Variants in VWF observed in about 807,000 individuals in gnomAD.
VWF encodes the protein Factor VIII related antigen.
Under a neutral mutation model 308.6 loss-of-function variants are expected in VWF, and 176 were observed. That is an observed-to-expected ratio of 0.57 (90% confidence interval 0.50 to 0.65). The LOEUF (loss-of-function observed/expected upper bound fraction) is 0.65. Among genes scored for constraint, VWF ranks in the 30% least tolerant of loss-of-function variants. The pLI, the probability that VWF is intolerant of heterozygous loss-of-function variation, is 0.00. For missense variants in VWF, 3,146 were observed against 3,648.2 expected, an observed-to-expected ratio of 0.86 and a Z score of 3.55; for synonymous variants, 1,385 against 1,443.4, an observed-to-expected ratio of 0.96 and a Z score of 0.92.
intron 5 of VWF, among the ~76,000 whole-genome samples, chr12:6,097,735 A>G (rs941125688): frequency 6.6e-6 from 1 of 152,234 alleles, no homozygotes; most frequent in African/African-American, 2.4e-5. Context: ...ATGTGTTGGT[A>G]GCCACAGGAA....
chr12:5,992,973 C>T (rs1943762515), intron 37 of VWF, among the ~76,000 whole-genome samples: 1 of 152,162 alleles, frequency 6.6e-6, no homozygotes, highest in South Asian at 2.1e-4. Context: ...CCCTAAGGAA[C>T]CTACAGGTTA....
At chr12:6,096,450 C>T (rs536162945) in intron 5 of VWF, among the ~76,000 whole-genome samples, 42 of 152,338 alleles carry the variant, frequency 2.8e-4, no homozygotes, top group African/African-American at 9.1e-4. Context: ...CATCCCTCTA[C>T]CAAAACACTC....
chr12:6,092,620 T>TGAGAGTGAGAGAGAGAGAGAGA (rs1250915385), intron 6 of VWF, among the ~76,000 whole-genome samples: 64 of 89,520 alleles, frequency 7.1e-4, no homozygotes, highest in Middle Eastern at 4.8e-3. Flanking sequence ...TGAGTGAGAG[T>TGAGAGTGAGAGAGAGAGAGAGA]GTGTGTGTGT....
chr12:5,995,246 T>C (rs556256527), intron 35 of VWF, among the ~76,000 whole-genome samples: 1 of 152,328 alleles, frequency 6.6e-6, no homozygotes, highest in South Asian at 2.1e-4. Context: ...AGCCCCACCA[T>C]ATATCATATC....
chr12:6,029,432 G>T lies in VWF; in HGVS notation c.2877C>A (p.Gly959=). 1 of 1,614,134 alleles carries T rather than the reference G, an allele frequency of 6.2e-7. No homozygotes were observed. Among genetic ancestry groups the T allele is most frequent in the African/African-American group, 1.3e-5 (1 of 75,026 alleles). ...DETHFEVVES[G]RYIILLLGKA... is the part of the protein sequence containing the mutation. ...TGCCCAGCAGCAGAATGATGTACCGGCCAGACTCCACCACCTCAAAGTGAG... is the reference window on the plus strand; with the variant it reads ...TGCCCAGCAGCAGAATGATGTACCGTCCAGACTCCACCACCTCAAAGTGAG... The change falls in exon 22 of 52, where the codon GGC becomes GGA. Residue 959 remains glycine, a synonymous_variant. Transcript: ENST00000261405.
At position 6,070,215 on chromosome 12, in the gene VWF, T is replaced by C. The variant is rs897723872; in HGVS notation, c.1156+1082A>G. 1.4e-4 allele frequency among the ~76,000 whole-genome samples: 21 copies of C among 152,328 alleles called. 1 individual carries two copies. In the Middle Eastern group the frequency reaches 0.02, roughly 148 times the overall value. ...AATCTTTTCTCCTTCGTGCCTTCTTTAAGGGTTACACAAAAGATAACCTGG... is the reference window on the plus strand; with the variant it reads ...AATCTTTTCTCCTTCGTGCCTTCTTCAAGGGTTACACAAAAGATAACCTGG... On this transcript the variant is annotated intron_variant, in intron 10 of 51. Coordinates refer to ENST00000261405, the MANE Select transcript of VWF (RefSeq NM_000552.5).
At chr12:6,023,487 C>T in intron 25 of VWF, 144 bp downstream of exon 25, 1 of 1,205,032 alleles carries the variant, frequency 8.3e-7, no homozygotes, top group South Asian at 1.4e-5. Flanking sequence ...TCTTAACCCT[C>T]CTTAGCCCTT....
chr12:6,019,248 G>A lies in VWF; in HGVS notation c.4170C>T (p.Pro1390=). The A allele has an allele frequency of 6.2e-6, 10 of 1,613,890 alleles. No individual in the cohort carries two copies. Among genetic ancestry groups the A allele is most frequent in the Non-Finnish European group, 8.5e-6 (10 of 1,179,844 alleles). ...ITLLLMASQE[P]QRMSRNFVRY... is the part of the protein sequence containing the mutation. ...GGACAAAGTTCCGGGACATCCGTTG[G>A]GGCTCCTGGCTGGCCATCAGGAGCA... Residue 1390 remains proline, a synonymous_variant, in exon 28 of 52, where the codon CCC becomes CCT. Transcript: ENST00000261405. The surrounding 1 kb of genome is among the most constrained non-coding windows in gnomAD (Gnocchi z 5.8).
chr12:5,955,421 T>C (rs920342691), intron 47 of VWF, among the ~76,000 whole-genome samples: 31 of 147,344 alleles, frequency 2.1e-4, no homozygotes, highest in Non-Finnish European at 3.0e-4. Flanking sequence ...CCTGTGTCCA[T>C]GTGTTCTCAT....
chr12:5,971,362 T>A (rs1439035853), intron 44 of VWF, among the ~76,000 whole-genome samples: 1 of 152,060 alleles, frequency 6.6e-6, no homozygotes, highest in East Asian at 1.9e-4. Context: ...AGAGCATGAA[T>A]CCCCCTGGGA....
chr12:6,076,297 G>A (rs1417800184), intron 6 of VWF, among the ~76,000 whole-genome samples: 4 of 152,184 alleles, frequency 2.6e-5, no homozygotes, highest in East Asian at 1.9e-4. Flanking sequence ...ACGACCCTAC[G>A]TTTTACCTAG....
At position 6,058,962 on chromosome 12, in the gene VWF, A is replaced by G. The variant is rs577000085; in HGVS notation, c.1534-918T>C. Among the ~76,000 whole-genome samples the G allele has an allele frequency of 2.0e-5, 3 of 152,250 alleles. No individual in the cohort carries two copies. In the South Asian group the frequency reaches 6.2e-4, roughly 32 times the overall value. ...CCAGGAGTCCTGACTCCCTCTCCGC[A>G]TGTCATTACCAAGGTGGGATGACCT... is the stretch of plus-strand genomic sequence containing the variant. On this transcript the variant is annotated intron_variant, in intron 13 of 51. Transcript: ENST00000261405. The surrounding 1 kb of genome is among the most constrained non-coding windows in gnomAD (Gnocchi z 4.9).
intron 16 of VWF, 46 bp downstream of exon 16, chr12:6,052,497 C>CCA: frequency 6.2e-7 from 1 of 1,613,872 alleles, no homozygotes; most frequent in Non-Finnish European, 8.5e-7. Flanking sequence ...TTTTCCTCCC[C>CCA]AGCTCTGCTG....
chr12:5,958,594 T>C (rs1344035784), intron 47 of VWF, among the ~76,000 whole-genome samples: 3 of 152,070 alleles, frequency 2.0e-5, no homozygotes, highest in Non-Finnish European at 4.4e-5. Context: ...AAGGCTGAGA[T>C]GGGAGGATCA....
At chr12:5,983,476 G>GATAGATACATACATAC (rs765691925) in intron 40 of VWF, among the ~76,000 whole-genome samples, 1 of 73,318 alleles carries the variant, frequency 1.4e-5, no homozygotes, top group Admixed American at 1.6e-4. Context: ...TAGATAGATA[G>GATAGATACATACATAC]ATACATACAT....
intron 22 of VWF, among the ~76,000 whole-genome samples, chr12:6,027,810 T>C (rs1287130395): frequency 6.6e-6 from 1 of 151,142 alleles, no homozygotes; most frequent in Non-Finnish European, 1.5e-5. Context: ...TGGTGATTTG[T>C]TATAGCAGCA....
intron 6 of VWF, among the ~76,000 whole-genome samples, chr12:6,092,844 C>CAT (rs1945065010): frequency 6.6e-6 from 1 of 152,006 alleles, no homozygotes; most frequent in Admixed American, 6.6e-5. Flanking sequence ...GAATGTGGGA[C>CAT]ATATGTAACA....
At chr12:5,969,772 A>G (rs11063964) in intron 44 of VWF, among the ~76,000 whole-genome samples, 45,845 of 152,120 alleles carry the variant, frequency 0.3, 7,725 homozygotes, top group African/African-American at 0.45. Context: ...GCCACTTCCC[A>G]TGGTAAGGGG....
intron 6 of VWF, among the ~76,000 whole-genome samples, chr12:6,093,081 C>G (rs975773701): frequency 2.6e-5 from 4 of 152,130 alleles, no homozygotes; most frequent in African/African-American, 9.7e-5. Context: ...GAAAAGCTCT[C>G]CTCTCTAAGT....
Sources: gnomAD v4.1 joint callset for allele counts (sites outside exome capture counted in the v4.1 genomes callset) on GRCh38, gnomAD v4.1.1 for gene constraint, Gnocchi (gnomAD v3.1) non-coding constraint, MANE v1.5 for transcripts, NCBI Gene and HGNC (gene_info 2026-07-23, HGNC 2026-07-21) for gene names.